NRXN3: variants seen among roughly 807,000 people sequenced by gnomAD.
NRXN3 encodes the protein neurexin 3.
Under a neutral mutation model 137.6 loss-of-function variants are expected in NRXN3, and 32 were observed. The observed-to-expected ratio is 0.23, with a 90% CI of 0.18 to 0.31. The LOEUF is 0.31. Among genes scored for constraint, NRXN3 ranks in the 10% least tolerant of loss-of-function variants. The pLI is 1.00. For synonymous variants in NRXN3, 798 were observed against 784.5 expected, an observed-to-expected ratio of 1.02 and a Z score of -0.29; for missense variants, 1,574 against 2,062.5, an observed-to-expected ratio of 0.76 and a Z score of 4.59.
intron 16 of NRXN3, among the ~76,000 whole-genome samples, chr14:79,631,806 C>T (rs766078616): frequency 6.6e-6 from 1 of 151,452 alleles, no homozygotes; most frequent in Non-Finnish European, 1.5e-5. Context: ...AATCAGTGCT[C>T]TGCATCTAGC....
intron 4 of NRXN3, among the ~76,000 whole-genome samples, chr14:78,508,837 G>T (rs888127800): frequency 6.6e-6 from 1 of 152,070 alleles, no homozygotes; most frequent in Non-Finnish European, 1.5e-5. Flanking sequence ...TACATTTTAT[G>T]TATGTATATT....
intron 16 of NRXN3, among the ~76,000 whole-genome samples, chr14:79,485,991 A>T (rs2096652439): frequency 6.6e-6 from 1 of 152,134 alleles, no homozygotes; most frequent in African/African-American, 2.4e-5. Flanking sequence ...TTTTTTCCAT[A>T]GTACATGAGC....
chr14:79,102,779 C>T (rs1167530382), intron 15 of NRXN3, among the ~76,000 whole-genome samples: 1 of 151,888 alleles, frequency 6.6e-6, no homozygotes, highest in African/African-American at 2.4e-5. Context: ...CATCATAGGA[C>T]AAGGGAATAT....
At chr14:79,189,549 A>T (rs1439104630) in intron 15 of NRXN3, among the ~76,000 whole-genome samples, 1 of 152,128 alleles carries the variant, frequency 6.6e-6, no homozygotes, top group Non-Finnish European at 1.5e-5. Flanking sequence ...TAAAAAAAAA[A>T]AAGTCCCTTT....
At chr14:78,271,678 C>A (rs978808459) in intron 2 of NRXN3, among the ~76,000 whole-genome samples, 1 of 152,180 alleles carries the variant, frequency 6.6e-6, no homozygotes, top group African/African-American at 2.4e-5. Context: ...TCTTCCCCTC[C>A]TGGCCGCTGC....
At chr14:79,409,234 T>C (rs2095369338) in intron 15 of NRXN3, among the ~76,000 whole-genome samples, 1 of 151,952 alleles carries the variant, frequency 6.6e-6, no homozygotes, top group Non-Finnish European at 1.5e-5. Context: ...GATATATATA[T>C]ATATTCTGCT....
chr14:79,789,631 A>G lies in NRXN3; in HGVS notation c.4015-15481A>G, dbSNP rs144845294. 1.6e-3 allele frequency among the ~76,000 whole-genome samples: 236 copies of G among 152,184 alleles called. No homozygotes were observed. The Middle Eastern group carries it at 0.017, about 11-fold the overall frequency. The stretch of plus-strand genomic sequence containing the variant: ...GGGTAACTACTCTTGTCCCTTGATG[A>G]TATGCTAAACAGGCCATGGCATTTG... On this transcript the variant is annotated intron_variant, in intron 19 of 20. Transcript: ENST00000335750.
chr14:79,544,629 G>A (rs1567452520), intron 16 of NRXN3, among the ~76,000 whole-genome samples: 1 of 151,348 alleles, frequency 6.6e-6, no homozygotes, highest in East Asian at 1.9e-4. Flanking sequence ...CTAAGACACT[G>A]GTTCTAAATA....
At position 79,172,449 on chromosome 14, in the gene NRXN3, G is replaced by A. The variant is rs186037168; in HGVS notation, c.3262+184308G>A. Among the ~76,000 whole-genome samples, 196 of 152,230 alleles carry A rather than the reference G, an allele frequency of 1.3e-3. 1 individual carries two copies. The highest frequency in any genetic ancestry group is 2.4e-3 in the Non-Finnish European group (161 of 68,002). On this transcript the variant is annotated intron_variant, in intron 15 of 20. Coordinates refer to ENST00000335750, the MANE Select transcript of NRXN3 (RefSeq NM_001330195.2). ...TGAAAGAAAGGGAGAAAGGATGGAA[G>A]GTACGAAGGAGGGTGAAAAGGAAGG...
chr14:78,914,451 G>A (rs1037486893), intron 10 of NRXN3, among the ~76,000 whole-genome samples: 7 of 152,160 alleles, frequency 4.6e-5, no homozygotes, highest in Admixed American at 1.3e-4. Context: ...AAAGGATAGG[G>A]TATGTCAGGG....
intron 15 of NRXN3, among the ~76,000 whole-genome samples, chr14:79,448,765 A>G (rs2096113538): frequency 6.6e-6 from 1 of 152,156 alleles, no homozygotes; most frequent in Admixed American, 6.5e-5. Flanking sequence ...ACACACATAC[A>G]TTCGTATACA....
At chr14:79,791,023 G>A (rs1357998551) in intron 19 of NRXN3, among the ~76,000 whole-genome samples, 2 of 152,092 alleles carry the variant, frequency 1.3e-5, no homozygotes, top group African/African-American at 2.4e-5. Context: ...CCATTCATGA[G>A]GGATCCACCC....
At chr14:78,569,127 C>T (rs1006500870) in intron 4 of NRXN3, among the ~76,000 whole-genome samples, 1 of 151,570 alleles carries the variant, frequency 6.6e-6, no homozygotes, top group African/African-American at 2.4e-5. Flanking sequence ...GCCACCACGC[C>T]TGGCTAATTT....
chr14:79,202,213 C>T (rs1017118064), intron 15 of NRXN3, among the ~76,000 whole-genome samples: 1 of 151,816 alleles, frequency 6.6e-6, no homozygotes, highest in African/African-American at 2.4e-5. Flanking sequence ...CAGTTTTATA[C>T]ATTTCCTTGG....
In NRXN3 at chr14:78,256,393, C is replaced by T. The variant is rs533867847; in HGVS notation, c.709+12591C>T. Among the ~76,000 whole-genome samples, 11 of 152,342 alleles carry T rather than the reference C, an allele frequency of 7.2e-5. No homozygotes were observed. In the East Asian group the frequency reaches 9.6e-4, roughly 13 times the overall value. ...TGGTTAGAGGTGTTGGACCACAGAACGCACAACTTTGGCAAGCTCTGTTCC... is the reference window on the plus strand; with the variant it reads ...TGGTTAGAGGTGTTGGACCACAGAATGCACAACTTTGGCAAGCTCTGTTCC... On this transcript the variant is annotated intron_variant, in intron 2 of 20. Coordinates refer to ENST00000335750, the MANE Select transcript of NRXN3 (RefSeq NM_001330195.2).
At chr14:79,317,970 G>A (rs1293857266) in intron 15 of NRXN3, among the ~76,000 whole-genome samples, 2 of 152,124 alleles carry the variant, frequency 1.3e-5, no homozygotes, top group Non-Finnish European at 1.5e-5. Flanking sequence ...AAATATTAAT[G>A]ACATGTTTCA....
chr14:79,629,070 G>A (rs2153929409), intron 16 of NRXN3, among the ~76,000 whole-genome samples: 1 of 152,262 alleles, frequency 6.6e-6, no homozygotes, highest in African/African-American at 2.4e-5. Context: ...TGGAATTTTT[G>A]AGAAGCAATA....
rs1244912159 is a variant in NRXN3 at position 79,647,472 on chromosome 14, T to TA, written c.3445-16306_3445-16305insA. The stretch of plus-strand genomic sequence containing the variant: ...CTTTTCCGGCATTGATTAATCCTAC[T>TA]GTTTATTGGCTAAGTGTACATTTCC... On this transcript the variant is annotated intron_variant, in intron 16 of 20. Coordinates refer to ENST00000335750, the MANE Select transcript of NRXN3 (RefSeq NM_001330195.2). Among the ~76,000 whole-genome samples the TA allele has an allele frequency of 3.7e-5, 5 of 136,188 alleles. 1 individual carries two copies. Among genetic ancestry groups the TA allele is most frequent in the Non-Finnish European group, 8.5e-5 (5 of 58,518 alleles). The allele number at this position is 136,188 out of a possible 152,430, so 89.3% of individuals were successfully genotyped here. A position where few individuals can be genotyped will look rare whatever the true frequency, so the allele number is the denominator to read the frequency against.
chr14:79,047,667 G>C (rs2099635021), intron 15 of NRXN3, among the ~76,000 whole-genome samples: 1 of 152,136 alleles, frequency 6.6e-6, no homozygotes, highest in Non-Finnish European at 1.5e-5. Flanking sequence ...ATGGTCAATA[G>C]TCCCATGCAA....
Sources: gnomAD v4.1 joint callset for allele counts (sites outside exome capture counted in the v4.1 genomes callset) on GRCh38, gnomAD v4.1.1 for gene constraint, MANE v1.5 for transcripts, NCBI Gene and HGNC (gene_info 2026-07-23, HGNC 2026-07-21) for gene names.